The following ARMC2 variants were observed in gnomAD, a reference collection of about 807,000 sequenced individuals.
The protein encoded by ARMC2 is armadillo repeat-containing protein 2.
ARMC2 carries 67 observed loss-of-function variants against 90.3 expected under a neutral mutation model. The observed-to-expected ratio is 0.74, with a 90% CI of 0.61 to 0.91. ARMC2 has a LOEUF of 0.91. Among genes scored for constraint, ARMC2 ranks in the 40% least tolerant of loss-of-function variants. The probability of loss-of-function intolerance (pLI) is 0.00; values close to 1 mark genes in which losing one functional copy is unlikely to be tolerated. For missense variants in ARMC2, 920 were observed against 1,030.9 expected, an observed-to-expected ratio of 0.89 and a Z score of 1.47; for synonymous variants, 393 against 393.0, an observed-to-expected ratio of 1.00 and a Z score of 0.00.
the ARMC2 span, among the ~76,000 whole-genome samples, chr6:109,007,762 C>T: frequency 1.4e-5 from 2 of 143,150 alleles, no homozygotes; most frequent in East Asian, 4.1e-4. Flanking sequence ...ATAGGTAATT[C>T]AGAAATACTG....
the ARMC2 span, among the ~76,000 whole-genome samples, chr6:109,038,911 A>G: frequency 6.7e-6 from 1 of 149,790 alleles, no homozygotes; most frequent in African/African-American, 2.5e-5. Context: ...AGAAAAAAGG[A>G]AGGAGGAGGA....
chr6:108,868,553 C>T (rs1776068174), intron 3 of ARMC2, among the ~76,000 whole-genome samples: 2 of 152,116 alleles, frequency 1.3e-5, no homozygotes, highest in African/African-American at 4.8e-5. Context: ...TATCTGTTTG[C>T]TAGCATGGGT....
the ARMC2 span, among the ~76,000 whole-genome samples, chr6:109,017,179 T>C: frequency 6.6e-6 from 1 of 152,176 alleles, no homozygotes; most frequent in Non-Finnish European, 1.5e-5. Flanking sequence ...CTATTTGGCA[T>C]TGAGCCTTAA....
chr6:108,989,505 CTA>C, the ARMC2 span, among the ~76,000 whole-genome samples: 24,567 of 145,892 alleles, frequency 0.17, 2,273 homozygotes, highest in Middle Eastern at 0.25. Context: ...CTAGAGATAT[CTA>C]TATATATATA....
At chr6:108,892,715 C>T (rs1211847507) in intron 5 of ARMC2, among the ~76,000 whole-genome samples, 6 of 149,378 alleles carry the variant, frequency 4.0e-5, no homozygotes, top group Admixed American at 2.0e-4. Context: ...GCCGAGATCA[C>T]GCCATTGCAC....
chr6:108,916,279 A>G (rs1325371153), intron 10 of ARMC2, among the ~76,000 whole-genome samples: 1 of 152,242 alleles, frequency 6.6e-6, no homozygotes, highest in African/African-American at 2.4e-5. Context: ...GAGAGCTGTC[A>G]GTAGGCACCT....
intron 13 of ARMC2, among the ~76,000 whole-genome samples, chr6:108,955,064 G>A (rs1372296242): frequency 6.6e-6 from 1 of 152,146 alleles, no homozygotes; most frequent in Non-Finnish European, 1.5e-5. Context: ...AGCTCCACCG[G>A]ATGAGGGCCC....
At chr6:109,000,378 CA>C in the ARMC2 span, 21,490 of 730,890 alleles carry the variant, frequency 0.029, 574 homozygotes, top group African/African-American at 0.12. Flanking sequence ...GGAAGAGATT[CA>C]GGGGGTAGAA....
At chr6:108,943,795 C>T (rs1406115146) in intron 12 of ARMC2, among the ~76,000 whole-genome samples, 1 of 152,112 alleles carries the variant, frequency 6.6e-6, no homozygotes, top group African/African-American at 2.4e-5. Context: ...GATCGAGCCA[C>T]TGCACTCCAG....
intron 13 of ARMC2, among the ~76,000 whole-genome samples, chr6:108,960,285 C>T (rs554954565): frequency 2.0e-5 from 3 of 152,238 alleles, no homozygotes; most frequent in Non-Finnish European, 4.4e-5. Context: ...CACTCCGCCA[C>T]ATCTCCGCCA....
intron 8 of ARMC2, chr6:108,907,599 C>T (rs879124485): frequency 3.2e-5 from 49 of 1,550,988 alleles, no homozygotes; most frequent in Middle Eastern, 4.6e-4. Flanking sequence ...GGGTGCAGAG[C>T]GTGTCCTCTT....
Position 108,973,707 on chromosome 6 carries a change from C to T in ARMC2, c.*193C>T. 2.2e-6 allele frequency: 1 copy of T among 464,794 alleles called. No homozygotes were observed. The highest frequency in any genetic ancestry group is 3.7e-6 in the Non-Finnish European group (1 of 268,026). The allele number at this position is 464,794 out of a possible 1,614,324, so 28.8% of individuals were successfully genotyped here. On this transcript the variant is annotated 3_prime_UTR_variant, in exon 18 of 18. Transcript: ENST00000392644. ...TAGGTATTATGGAAAAATGAATATA[C>T]ACATTATATTTCCTGTTGAGAGAAA...
chr6:108,864,813 ATGTATTGTG>A (rs536869099), intron 3 of ARMC2, among the ~76,000 whole-genome samples: 78 of 152,096 alleles, frequency 5.1e-4, no homozygotes, highest in African/African-American at 1.9e-3. Flanking sequence ...TAAACGTTCT[ATGTATTGTG>A]TCTTCTTTGA....
At chr6:108,969,263 C>T (rs1375727287) in intron 17 of ARMC2, among the ~76,000 whole-genome samples, 1 of 152,150 alleles carries the variant, frequency 6.6e-6, no homozygotes, top group Non-Finnish European at 1.5e-5. Flanking sequence ...AGAGAATGGT[C>T]AGGGCGATGA....
chr6:108,996,601 T>G, the ARMC2 span, among the ~76,000 whole-genome samples: 2 of 152,174 alleles, frequency 1.3e-5, no homozygotes, highest in African/African-American at 4.8e-5. Context: ...AAAGTAGGTT[T>G]CTTTGTTCCT....
intron 1 of ARMC2, among the ~76,000 whole-genome samples, chr6:108,849,655 T>A (rs368798627): frequency 6.6e-6 from 1 of 152,258 alleles, no homozygotes; most frequent in East Asian, 1.9e-4. Flanking sequence ...CATGTAGCAC[T>A]TGGGCAATAA....
chr6:109,026,691 G>A, the ARMC2 span, among the ~76,000 whole-genome samples: 4 of 151,974 alleles, frequency 2.6e-5, no homozygotes, highest in Non-Finnish European at 1.5e-5. Context: ...TTTTAGTAGC[G>A]ACGGGGTTTC....
At chr6:108,924,209 G>C (rs1009886041) in intron 10 of ARMC2, 3 of 152,264 alleles carry the variant, frequency 2.0e-5, no homozygotes, top group African/African-American at 7.2e-5. Context: ...AAGTTATCTT[G>C]AGCTGGGTTT....
the ARMC2 span, among the ~76,000 whole-genome samples, chr6:109,028,407 T>TTTG: frequency 2.0e-5 from 3 of 152,158 alleles, no homozygotes; most frequent in South Asian, 2.1e-4. Flanking sequence ...ATGGGGCTAA[T>TTTG]TTGTTGTTGT....
Sources: allele counts gnomAD v4.1 joint callset (sites outside exome capture counted in the v4.1 genomes callset), GRCh38; gene constraint gnomAD v4.1.1; transcripts MANE v1.5; gene names NCBI Gene and HGNC (gene_info 2026-07-23, HGNC 2026-07-21).